The following DPY19L2 variants were observed in gnomAD, a reference collection of about 807,000 sequenced individuals.
DPY19L2 encodes the protein dpy-19 like 2.
Under a neutral mutation model 97.9 loss-of-function variants are expected in DPY19L2, and 34 were observed. That is an observed-to-expected ratio of 0.35 (90% confidence interval 0.26 to 0.46). DPY19L2 has a LOEUF of 0.46. Ranked by LOEUF, DPY19L2 falls within the 20% of genes least tolerant of loss-of-function variation. The probability of loss-of-function intolerance (pLI) is 1.00; values close to 1 mark genes in which losing one functional copy is unlikely to be tolerated. For synonymous variants in DPY19L2, 230 were observed against 307.9 expected, an observed-to-expected ratio of 0.75 and a Z score of 2.65; for missense variants, 623 against 911.4, an observed-to-expected ratio of 0.68 and a Z score of 4.07.
At chr12:63,627,408 G>C (rs1889745975) in intron 6 of DPY19L2, among the ~76,000 whole-genome samples, 1 of 152,112 alleles carries the variant, frequency 6.6e-6, no homozygotes, top group South Asian at 2.1e-4. Flanking sequence ...GGAGTGCAGT[G>C]GCGCGATCTC....
rs533775549 is a variant in DPY19L2 at position 63,641,342 on chromosome 12, A to C, written c.803+3061T>G. The stretch of plus-strand genomic sequence containing the variant: ...ACATAGAAAAGTGCATAACATTTCT[A>C]GCTCATAGATCTATTGTAAAAGGAA... On this transcript the variant is annotated intron_variant, in intron 6 of 21. Transcript: ENST00000324472. Among the ~76,000 whole-genome samples the C allele has an allele frequency of 1.4e-3, 210 of 152,292 alleles. 2 individuals carry two copies. Among genetic ancestry groups the C allele is most frequent in the South Asian group, 5.4e-3 (26 of 4,822 alleles).
At chr12:63,577,399 T>C (rs1880041006) in intron 19 of DPY19L2, among the ~76,000 whole-genome samples, 1 of 151,936 alleles carries the variant, frequency 6.6e-6, no homozygotes, top group Non-Finnish European at 1.5e-5. Context: ...AGTAAATACC[T>C]GGGAAGCACA....
chr12:63,613,441 G>A lies in DPY19L2; in HGVS notation c.1218+3863C>T, dbSNP rs563038967. Among the ~76,000 whole-genome samples, 27 of 152,234 alleles carry A rather than the reference G, an allele frequency of 1.8e-4. No homozygotes were observed. The East Asian group carries it at 4.1e-3, about 23-fold the overall frequency. On this transcript the variant is annotated intron_variant, in intron 11 of 21. Transcript: ENST00000324472. The stretch of plus-strand genomic sequence containing the variant: ...CATTTTTGAAAAAACTCAGCAAGCT[G>A]AACAGAAGGGAACTTCTTTAAGCTG...
At chr12:63,592,321 G>A (rs367897701) in intron 16 of DPY19L2, among the ~76,000 whole-genome samples, 1,779 of 150,672 alleles carry the variant, frequency 0.012, 30 homozygotes, top group African/African-American at 0.04. Context: ...AAAAGAGCCC[G>A]CATCACCAAG....
Position 63,580,459 on chromosome 12 carries a change from G to GA in DPY19L2, c.1900+202_1900+203insT, listed in dbSNP as rs1954399687. Among the ~76,000 whole-genome samples the GA allele has an allele frequency of 2.6e-5, 4 of 152,150 alleles. No individual in the cohort carries two copies. In the East Asian group the frequency reaches 7.7e-4, roughly 29 times the overall value. On this transcript the variant is annotated intron_variant, in intron 19 of 21. Transcript: ENST00000324472. ...AATTATCTGGGAGGGGCTTAAAGGG[G>GA]GTGCAAAATTGCCTTTTGGAAGGGT... is the stretch of plus-strand genomic sequence containing the variant.
At chr12:63,649,684 A>G (rs909125972) in intron 4 of DPY19L2, among the ~76,000 whole-genome samples, 1 of 152,146 alleles carries the variant, frequency 6.6e-6, no homozygotes, top group African/African-American at 2.4e-5. Flanking sequence ...ACTCACCAAT[A>G]AAAAGCCTAC....
chr12:63,638,116 T>C (rs1369800268), intron 6 of DPY19L2, among the ~76,000 whole-genome samples: 1 of 152,114 alleles, frequency 6.6e-6, no homozygotes, highest in East Asian at 1.9e-4. Flanking sequence ...ACCACATGAT[T>C]ATCTCAATAG....
intron 2 of DPY19L2, 101 bp from the exon 3 acceptor site, chr12:63,663,946 T>C: frequency 1.3e-6 from 1 of 747,744 alleles, no homozygotes; most frequent in Non-Finnish European, 2.1e-6. Context: ...AATAAATTGT[T>C]ATATTAATTT....
intron 4 of DPY19L2, among the ~76,000 whole-genome samples, chr12:63,655,963 A>G (rs1894917409): frequency 6.6e-6 from 1 of 152,194 alleles, no homozygotes; most frequent in Non-Finnish European, 1.5e-5. Flanking sequence ...CATTGTGTCT[A>G]GTGGCATGAC....
chr12:63,562,516 GCTTT>G (rs1876773105), intron 21 of DPY19L2, among the ~76,000 whole-genome samples: 1 of 152,096 alleles, frequency 6.6e-6, no homozygotes, highest in Admixed American at 6.5e-5. Flanking sequence ...ATGGATATAT[GCTTT>G]CTTTTATTTT....
intron 4 of DPY19L2, among the ~76,000 whole-genome samples, chr12:63,657,701 G>A (rs1218761256): frequency 6.6e-6 from 1 of 152,096 alleles, no homozygotes; most frequent in African/African-American, 2.4e-5. Flanking sequence ...GGTGTGAGCA[G>A]AGTCTGAGCA....
intron 6 of DPY19L2, among the ~76,000 whole-genome samples, chr12:63,636,844 T>C (rs1891802448): frequency 6.6e-6 from 1 of 152,102 alleles, no homozygotes; most frequent in Admixed American, 6.5e-5. Context: ...TGGGAGACTT[T>C]AACACCACGC....
At chr12:63,572,571 G>A (rs1283582923) in intron 19 of DPY19L2, among the ~76,000 whole-genome samples, 1 of 152,096 alleles carries the variant, frequency 6.6e-6, no homozygotes, top group Non-Finnish European at 1.5e-5. Context: ...CCTACACCTT[G>A]AGCAAACATA....
chr12:63,630,263 C>T (rs903083263), intron 6 of DPY19L2, among the ~76,000 whole-genome samples: 1 of 152,124 alleles, frequency 6.6e-6, no homozygotes, highest in African/African-American at 2.4e-5. Context: ...TTAAAAGACA[C>T]AGACTGGCAA....
intron 12 of DPY19L2, among the ~76,000 whole-genome samples, chr12:63,608,083 T>C (rs1886358452): frequency 6.6e-6 from 1 of 152,140 alleles, no homozygotes; most frequent in Non-Finnish European, 1.5e-5. Context: ...CATCTGCATA[T>C]TTGGGAAGAA....
intron 5 of DPY19L2, among the ~76,000 whole-genome samples, chr12:63,645,837 CTAATAT>C (rs1432522043): frequency 2.0e-5 from 3 of 152,022 alleles, no homozygotes; most frequent in Admixed American, 6.6e-5. Context: ...TGTTCCTTTA[CTAATAT>C]TTTTTCCATA....
chr12:63,622,492 G>A (rs968002354), intron 8 of DPY19L2, among the ~76,000 whole-genome samples: 4 of 152,172 alleles, frequency 2.6e-5, no homozygotes, highest in Non-Finnish European at 5.9e-5. Flanking sequence ...CTCAAGGTTT[G>A]TGCCACCCCA....
chr12:63,587,865 C>A (rs1210429517), intron 16 of DPY19L2, among the ~76,000 whole-genome samples: 1 of 152,010 alleles, frequency 6.6e-6, no homozygotes, highest in African/African-American at 2.4e-5. Context: ...GCCACCGAAC[C>A]CGGCCTAAAA....
chr12:63,663,173 C>G (rs1270143909), intron 3 of DPY19L2, among the ~76,000 whole-genome samples: 1 of 151,554 alleles, frequency 6.6e-6, no homozygotes, highest in Non-Finnish European at 1.5e-5. Context: ...GTGAGCAGAT[C>G]TGGAAGATGG....
Sources: allele counts gnomAD v4.1 joint callset (sites outside exome capture counted in the v4.1 genomes callset), GRCh38; gene constraint gnomAD v4.1.1; transcripts MANE v1.5; gene names NCBI Gene and HGNC (gene_info 2026-07-23, HGNC 2026-07-21).